RBFOX1: variants seen among roughly 807,000 people sequenced by gnomAD.
RBFOX1 encodes RNA binding protein fox-1 homolog 1.
RBFOX1 carries 8 observed loss-of-function variants against 57.7 expected under a neutral mutation model. The ratio of observed to expected loss-of-function variants is 0.14; its 90% CI spans 0.08 to 0.25. The LOEUF (loss-of-function observed/expected upper bound fraction) is 0.25, where lower values mean the gene tolerates loss of function less well. Among genes scored for constraint, RBFOX1 ranks in the 10% least tolerant of loss-of-function variants. The pLI is 1.00. For synonymous variants in RBFOX1, 326 were observed against 222.4 expected, an observed-to-expected ratio of 1.47 and a Z score of -4.15; for missense variants, 611 against 548.5, an observed-to-expected ratio of 1.11 and a Z score of -1.14.
chr16:5,268,303 C>T (rs997911158), intron 1 of RBFOX1, among the ~76,000 whole-genome samples: 3 of 152,176 alleles, frequency 2.0e-5, no homozygotes, highest in Non-Finnish European at 4.4e-5. Context: ...ATAACTGTGC[C>T]TGGATTCTTA....
intron 3 of RBFOX1, among the ~76,000 whole-genome samples, chr16:6,942,514 C>A (rs73543280): frequency 2.0e-5 from 3 of 151,938 alleles, no homozygotes; most frequent in African/African-American, 7.3e-5. Context: ...ATGAAGCTTC[C>A]TAGTGAGACT....
intron 4 of RBFOX1, among the ~76,000 whole-genome samples, chr16:7,344,553 T>C (rs1164078658): frequency 6.6e-6 from 1 of 151,240 alleles, no homozygotes; most frequent in African/African-American, 2.4e-5. Flanking sequence ...TGTATAATAG[T>C]TACATAGTAA....
intron 2 of RBFOX1, among the ~76,000 whole-genome samples, chr16:6,440,398 A>C (rs910839904): frequency 1.3e-5 from 2 of 152,186 alleles, no homozygotes; most frequent in African/African-American, 2.4e-5. Flanking sequence ...AACCAAGCTT[A>C]TAATTTGTCC....
At chr16:5,745,194 T>C (rs1225357752) in intron 3 of RBFOX1, among the ~76,000 whole-genome samples, 1 of 152,192 alleles carries the variant, frequency 6.6e-6, no homozygotes, top group African/African-American at 2.4e-5. Context: ...ATGCAGTGTT[T>C]GGTTTTTTGT....
intron 4 of RBFOX1, among the ~76,000 whole-genome samples, chr16:7,192,628 A>C (rs1209446678): frequency 2.6e-5 from 4 of 152,186 alleles, no homozygotes; most frequent in African/African-American, 9.7e-5. Flanking sequence ...AAACTAATGC[A>C]ATAGACAGTT....
chr16:6,937,002 T>C (rs1448529680), intron 3 of RBFOX1, among the ~76,000 whole-genome samples: 3 of 149,590 alleles, frequency 2.0e-5, no homozygotes, highest in Admixed American at 2.0e-4. Context: ...AGATGACGAG[T>C]TAGTGGGGGT....
chr16:6,032,635 A>G (rs2095306879), intron 1 of RBFOX1, among the ~76,000 whole-genome samples: 1 of 152,222 alleles, frequency 6.6e-6, no homozygotes, highest in Non-Finnish European at 1.5e-5. Context: ...ATGAAATGCC[A>G]GCAGATGTCA....
At chr16:5,745,333 G>A (rs1026773042) in intron 3 of RBFOX1, among the ~76,000 whole-genome samples, 7 of 152,002 alleles carry the variant, frequency 4.6e-5, no homozygotes, top group Admixed American at 2.0e-4. Context: ...TTCTTAATCC[G>A]GTCTATCATT....
Position 6,322,583 on chromosome 16 carries a change from G to C in RBFOX1, c.-64+5526G>C, listed in dbSNP as rs536023463. On this transcript the variant is annotated intron_variant, in intron 2 of 15. Transcript: ENST00000550418. ...AGAAAATCCTAAGCCAATTTTCAACGTAGGAAGTTGACCCTATGATTATAT... is the reference window on the plus strand; with the variant it reads ...AGAAAATCCTAAGCCAATTTTCAACCTAGGAAGTTGACCCTATGATTATAT... Among the ~76,000 whole-genome samples, 17 of 152,218 alleles carry C rather than the reference G, an allele frequency of 1.1e-4. No homozygotes were observed. The East Asian group carries it at 3.1e-3, about 28-fold the overall frequency.
At chr16:6,874,249 C>G (rs1279996877) in intron 3 of RBFOX1, among the ~76,000 whole-genome samples, 1 of 152,122 alleles carries the variant, frequency 6.6e-6, no homozygotes, top group Non-Finnish European at 1.5e-5. Flanking sequence ...GTGGTTCACA[C>G]TTGTAATCCC....
chr16:7,548,849 G>A (rs560140568), intron 5 of RBFOX1, among the ~76,000 whole-genome samples: 1 of 152,168 alleles, frequency 6.6e-6, no homozygotes, highest in East Asian at 1.9e-4. Context: ...GCATGTTCCT[G>A]CCTATTAGTT....
intron 3 of RBFOX1, among the ~76,000 whole-genome samples, chr16:7,017,464 C>G (rs866860465): frequency 6.6e-6 from 1 of 152,136 alleles, no homozygotes; most frequent in Non-Finnish European, 1.5e-5. Flanking sequence ...CACACACTGA[C>G]GCGCGCACAC....
chr16:6,873,444 T>A (rs2061301015), intron 3 of RBFOX1, among the ~76,000 whole-genome samples: 1 of 152,168 alleles, frequency 6.6e-6, no homozygotes, highest in African/African-American at 2.4e-5. Flanking sequence ...TCAAATAGGC[T>A]TTCAATTTTT....
At chr16:6,757,880 G>A (rs1181039399) in intron 3 of RBFOX1, among the ~76,000 whole-genome samples, 1 of 152,180 alleles carries the variant, frequency 6.6e-6, no homozygotes, top group Non-Finnish European at 1.5e-5. Flanking sequence ...TTGTGTGCAT[G>A]TATCAAAATG....
At chr16:5,680,305 G>A (rs1436037693) in intron 3 of RBFOX1, among the ~76,000 whole-genome samples, 1 of 152,070 alleles carries the variant, frequency 6.6e-6, no homozygotes, top group East Asian at 1.9e-4. Flanking sequence ...GGAATAAGAA[G>A]GTCTCACCTG....
chr16:6,448,156 C>CTTTCTTTTT (rs2094523593), intron 2 of RBFOX1, among the ~76,000 whole-genome samples: 33 of 78,476 alleles, frequency 4.2e-4, no homozygotes, highest in African/African-American at 1.6e-3. Flanking sequence ...TCTTTTCTTT[C>CTTTCTTTTT]TTTTTTTTTT....
At chr16:7,661,918 T>TA (rs984505465) in intron 12 of RBFOX1, among the ~76,000 whole-genome samples, 1 of 152,198 alleles carries the variant, frequency 6.6e-6, no homozygotes, top group African/African-American at 2.4e-5. Flanking sequence ...CAGAGACTCC[T>TA]AAGAGCAAAC....
intron 2 of RBFOX1, among the ~76,000 whole-genome samples, chr16:5,508,030 G>C (rs72761051): frequency 6.6e-6 from 1 of 151,008 alleles, no homozygotes; most frequent in Non-Finnish European, 1.5e-5. Context: ...ATCAGGAGTG[G>C]GGAAAAATGT....
At chr16:6,395,445 T>C (rs2092786453) in intron 2 of RBFOX1, among the ~76,000 whole-genome samples, 2 of 152,328 alleles carry the variant, frequency 1.3e-5, no homozygotes, top group East Asian at 3.9e-4. Flanking sequence ...TTAATGGCTC[T>C]GTAACTTTCT....
Sources: allele counts gnomAD v4.1 joint callset (sites outside exome capture counted in the v4.1 genomes callset), GRCh38; gene constraint gnomAD v4.1.1; transcripts MANE v1.5; gene names NCBI Gene and HGNC (gene_info 2026-07-23, HGNC 2026-07-21).